GIMD1: variants seen among roughly 807,000 people sequenced by gnomAD.
GIMD1 encodes GTPase IMAP family member GIMD1.
Under a neutral mutation model 14.9 loss-of-function variants are expected in GIMD1, and 14 were observed. The observed-to-expected ratio is 0.94, with a 90% CI of 0.62 to 1.47. The LOEUF (loss-of-function observed/expected upper bound fraction) is 1.47. Among genes scored for constraint, GIMD1 ranks in the 40% most tolerant of loss-of-function variants. GIMD1 has a pLI of 0.00. For synonymous variants in GIMD1, 91 were observed against 90.5 expected, an observed-to-expected ratio of 1.01 and a Z score of -0.03; for missense variants, 272 against 255.3, an observed-to-expected ratio of 1.07 and a Z score of -0.44.
At chr4:106,364,575 T>G (rs1487760595) in intron 2 of GIMD1, among the ~76,000 whole-genome samples, 1 of 152,116 alleles carries the variant, frequency 6.6e-6, no homozygotes, top group Non-Finnish European at 1.5e-5. Flanking sequence ...TGTGCTTAAG[T>G]GACCATCAAC....
chr4:106,367,703 T>C (rs1448653970), intron 1 of GIMD1, among the ~76,000 whole-genome samples: 1 of 151,988 alleles, frequency 6.6e-6, no homozygotes, highest in Non-Finnish European at 1.5e-5. Flanking sequence ...ACAGAAAAAA[T>C]CCCAAATTAC....
chr4:106,362,604 C>T (rs899114589), intron 2 of GIMD1, among the ~76,000 whole-genome samples: 3 of 151,976 alleles, frequency 2.0e-5, no homozygotes, highest in Admixed American at 6.6e-5. Context: ...CAGCCCTGCC[C>T]CATTTGTTTG....
chr4:106,365,049 C>T (rs1770674823), intron 2 of GIMD1, among the ~76,000 whole-genome samples: 1 of 152,114 alleles, frequency 6.6e-6, no homozygotes, highest in African/African-American at 2.4e-5. Context: ...ACTGCATTTA[C>T]TGAATTATAT....
At chr4:106,359,525 T>C (rs1034292591) in intron 2 of GIMD1, among the ~76,000 whole-genome samples, 2 of 151,880 alleles carry the variant, frequency 1.3e-5, no homozygotes, top group Non-Finnish European at 2.9e-5. Flanking sequence ...GAGATACTAT[T>C]ATTATCTCCA....
intron 2 of GIMD1, among the ~76,000 whole-genome samples, chr4:106,365,382 T>C (rs2949648): frequency 0.04 from 5,672 of 143,264 alleles, 377 homozygotes; most frequent in African/African-American, 0.14. Context: ...TGATTATACA[T>C]ATGGCTGGGT....
At chr4:106,365,824 T>C (rs1770691389) in intron 2 of GIMD1, among the ~76,000 whole-genome samples, 1 of 140,956 alleles carries the variant, frequency 7.1e-6, no homozygotes, top group Non-Finnish European at 1.6e-5. Context: ...TTGTTAGTAA[T>C]AGTCTATACA....
chr4:106,361,371 G>A (rs1055767089), intron 2 of GIMD1, among the ~76,000 whole-genome samples: 3 of 152,044 alleles, frequency 2.0e-5, no homozygotes, highest in Admixed American at 1.3e-4. Flanking sequence ...TTTTGGGGTG[G>A]AGGTGGGAAG....
rs1171351577 is a variant in GIMD1 at position 106,358,256 on chromosome 4, T to C, written c.581A>G (p.Gln194Arg). The change falls in exon 3 of 3, where the codon CAA becomes CGA. Residue 194 changes from glutamine to arginine, a missense_variant. Gln to Arg is a conservative substitution (Grantham distance 43, BLOSUM62 1). Coordinates refer to ENST00000638719, the MANE Select transcript of GIMD1 (RefSeq NM_001195138.2). ...QYKKGKSLNEQRMKILERIME... is the reference protein window; with the variant it reads ...QYKKGKSLNERRMKILERIME... ...GATTCTTTCTAAGATTTTCATTCTT[T>C]GTTCATTGAGTGATTTTCCTTTTTT... 1.1e-5 allele frequency: 17 copies of C among 1,523,892 alleles called. No homozygotes were observed. Among genetic ancestry groups the C allele is most frequent in the African/African-American group, 1.4e-5 (1 of 72,476 alleles). The allele number at this position is 1,523,892 out of a possible 1,614,324, so 94.4% of individuals were successfully genotyped here.
intron 2 of GIMD1, among the ~76,000 whole-genome samples, chr4:106,366,819 T>C (rs1018150371): frequency 6.6e-6 from 1 of 151,872 alleles, no homozygotes; most frequent in Non-Finnish European, 1.5e-5. Flanking sequence ...AATGACTGAT[T>C]GGGTTCCTCT....
intron 1 of GIMD1, among the ~76,000 whole-genome samples, chr4:106,368,175 A>G (rs1288165809): frequency 6.6e-6 from 1 of 152,172 alleles, no homozygotes; most frequent in Non-Finnish European, 1.5e-5. Context: ...TAAAGAAAGT[A>G]AAGCCTAACA....
In GIMD1 at chr4:106,358,099, G is replaced by T; in HGVS notation, c.*84C>A. The T allele has an allele frequency of 5.6e-6, 5 of 900,478 alleles. No homozygotes were observed. Among genetic ancestry groups the T allele is most frequent in the Non-Finnish European group, 4.9e-6 (3 of 615,856 alleles). The allele number at this position is 900,478 out of a possible 1,614,324, so 55.8% of individuals were successfully genotyped here. A position where few individuals can be genotyped will look rare whatever the true frequency, so the allele number is the denominator to read the frequency against. On this transcript the variant is annotated 3_prime_UTR_variant, in exon 3 of 3. Coordinates refer to ENST00000638719, the MANE Select transcript of GIMD1 (RefSeq NM_001195138.2). The stretch of plus-strand genomic sequence containing the variant: ...CCAGCAGCATATCAGAATACTTATG[G>T]TCCACATTCATGTCAATAAAGGCAT...
intron 1 of GIMD1, 101 bp from the exon 2 acceptor site, chr4:106,367,538 A>G: frequency 1.7e-6 from 2 of 1,162,524 alleles, no homozygotes; most frequent in East Asian, 2.6e-5. Context: ...ACGATTTTAG[A>G]TTTGTTTTCC....
intron 2 of GIMD1, among the ~76,000 whole-genome samples, chr4:106,361,234 G>T (rs765637947): frequency 6.6e-6 from 1 of 152,102 alleles, no homozygotes; most frequent in Non-Finnish European, 1.5e-5. Context: ...TTTACAGTTA[G>T]TGGAGATTTT....
rs1770569418 is a variant in GIMD1, at chr4:106,358,578, G to A, written c.394-135C>T. The A allele has an allele frequency of 6.3e-6, 4 of 630,336 alleles. No homozygotes were observed. In the South Asian group the frequency reaches 1.2e-4, roughly 19 times the overall value. The allele number at this position is 630,336 out of a possible 1,614,324, so 39.0% of individuals were successfully genotyped here. On this transcript the variant is annotated intron_variant, in intron 2 of 2. Coordinates refer to ENST00000638719, the MANE Select transcript of GIMD1 (RefSeq NM_001195138.2). ...TTTCTGAAAGCTGATATACAATGTA[G>A]GAAATGAAGACAGGGTCAAGTATTT...
At chr4:106,362,512 G>C (rs1770628703) in intron 2 of GIMD1, among the ~76,000 whole-genome samples, 1 of 152,034 alleles carries the variant, frequency 6.6e-6, no homozygotes, top group Non-Finnish European at 1.5e-5. Flanking sequence ...ATGGGTATGA[G>C]TCCATTTAGT....
rs147719603 is a variant in GIMD1 at position 106,359,309 on chromosome 4, C to T, written c.394-866G>A. 2.1e-3 allele frequency among the ~76,000 whole-genome samples: 315 copies of T among 151,928 alleles called. 2 individuals are homozygous for T. Among genetic ancestry groups the T allele is most frequent in the Non-Finnish European group, 8.3e-4 (56 of 67,836 alleles). ...AACATTACCTCCATTCCGAACACTC[C>T]TATTACCAAAATATTTCCAAAGCTA... On this transcript the variant is annotated intron_variant, in intron 2 of 2. Coordinates refer to ENST00000638719, the MANE Select transcript of GIMD1 (RefSeq NM_001195138.2).
At chr4:106,361,483 T>C (rs1199062315) in intron 2 of GIMD1, among the ~76,000 whole-genome samples, 1 of 152,034 alleles carries the variant, frequency 6.6e-6, no homozygotes, top group Non-Finnish European at 1.5e-5. Context: ...ATTAATGTAA[T>C]CAAGCATGAT....
At chr4:106,365,422 A>T (rs1770683002) in intron 2 of GIMD1, among the ~76,000 whole-genome samples, 1 of 151,316 alleles carries the variant, frequency 6.6e-6, no homozygotes, top group Admixed American at 6.6e-5. Context: ...AAACATGCAC[A>T]GTTACTGAAA....
chr4:106,362,152 A>G (rs549376531), intron 2 of GIMD1, among the ~76,000 whole-genome samples: 1 of 152,224 alleles, frequency 6.6e-6, no homozygotes, highest in Non-Finnish European at 1.5e-5. Context: ...TTACACATTT[A>G]TTTATGAAAG....
Sources: allele counts gnomAD v4.1 joint callset (sites outside exome capture counted in the v4.1 genomes callset), GRCh38; gene constraint gnomAD v4.1.1; transcripts MANE v1.5; gene names NCBI Gene and HGNC (gene_info 2026-07-23, HGNC 2026-07-21).